Variants in SDK1 observed in about 807,000 individuals in gnomAD.
SDK1 encodes the protein sidekick cell adhesion molecule 1, also known as protein sidekick-1.
Under a neutral mutation model 245.5 loss-of-function variants are expected in SDK1, and 157 were observed. The ratio of observed to expected loss-of-function variants is 0.64; its 90% CI spans 0.56 to 0.73. The LOEUF (loss-of-function observed/expected upper bound fraction) is 0.73, where lower values mean the gene tolerates loss of function less well. Ranked by LOEUF, SDK1 falls within the 30% of genes least tolerant of loss-of-function variation. SDK1 has a pLI of 0.00. For missense variants in SDK1, 3,583 were observed against 3,002.3 expected (o/e 1.19, Z -4.52); for synonymous variants, 1,647 against 1,278.5 (o/e 1.29, Z -6.15).
At chr7:3,328,263 T>G (rs972792353) in intron 1 of SDK1, among the ~76,000 whole-genome samples, 2 of 152,120 alleles carry the variant, frequency 1.3e-5, no homozygotes, top group Admixed American at 6.5e-5. Flanking sequence ...TATTGTGGTG[T>G]TATTTTGAAT....
intron 4 of SDK1, among the ~76,000 whole-genome samples, chr7:3,740,444 A>G (rs1014272406): frequency 6.6e-6 from 1 of 152,160 alleles, no homozygotes; most frequent in African/African-American, 2.4e-5. Flanking sequence ...GATATTGAGC[A>G]TGTGTCACAG....
intron 5 of SDK1, among the ~76,000 whole-genome samples, chr7:3,834,063 CT>C (rs1779976143): frequency 6.6e-6 from 1 of 152,142 alleles, no homozygotes; most frequent in Non-Finnish European, 1.5e-5. Flanking sequence ...AGGGAAACAG[CT>C]GGCATACTGG....
chr7:3,450,909 G>A (rs1205220872), intron 1 of SDK1, among the ~76,000 whole-genome samples: 2 of 152,144 alleles, frequency 1.3e-5, no homozygotes, highest in African/African-American at 4.8e-5. Flanking sequence ...AAAATAGGAA[G>A]AGAGGAGTTT....
At chr7:4,178,180 G>A (rs868669490) in intron 34 of SDK1, among the ~76,000 whole-genome samples, 17 of 152,272 alleles carry the variant, frequency 1.1e-4, no homozygotes, top group Middle Eastern at 3.4e-3. Flanking sequence ...ATGGCTAGTG[G>A]CCCAGGGGTT....
chr7:3,936,587 A>AG, intron 5 of SDK1, among the ~76,000 whole-genome samples: 1 of 151,716 alleles, frequency 6.6e-6, no homozygotes, highest in African/African-American at 2.4e-5. Flanking sequence ...TCCATCTCAA[A>AG]AAAAAAAAAA....
intron 1 of SDK1, among the ~76,000 whole-genome samples, chr7:3,408,114 T>A (rs546713965): frequency 6.6e-6 from 1 of 152,294 alleles, no homozygotes; most frequent in Non-Finnish European, 1.5e-5. Flanking sequence ...CTCGGCTTAC[T>A]GCCACATCTG....
intron 16 of SDK1, 47 bp from the exon 17 acceptor site, chr7:4,017,124 T>C: frequency 6.5e-7 from 1 of 1,544,594 alleles, no homozygotes; most frequent in Non-Finnish European, 8.7e-7. Flanking sequence ...ACACCGTTCC[T>C]GGGTCCAGTT....
At chr7:3,346,726 C>T (rs1461598992) in intron 1 of SDK1, among the ~76,000 whole-genome samples, 5 of 114,568 alleles carry the variant, frequency 4.4e-5, no homozygotes, top group African/African-American at 1.0e-4. Flanking sequence ...TATATGTATA[C>T]ATATATATAT....
At chr7:3,524,547 C>T (rs188395402) in intron 1 of SDK1, among the ~76,000 whole-genome samples, 31 of 152,156 alleles carry the variant, frequency 2.0e-4, no homozygotes, top group East Asian at 5.8e-4. Flanking sequence ...TGTATGTGCG[C>T]GCTCATGTAC....
At chr7:3,866,637 C>T (rs1780828083) in intron 5 of SDK1, among the ~76,000 whole-genome samples, 2 of 152,124 alleles carry the variant, frequency 1.3e-5, no homozygotes, top group African/African-American at 4.8e-5. Flanking sequence ...CGTGGACTCC[C>T]CTGCCCCTGC....
chr7:3,585,263 C>G (rs1318090045), intron 1 of SDK1, among the ~76,000 whole-genome samples: 1 of 152,050 alleles, frequency 6.6e-6, no homozygotes, highest in African/African-American at 2.4e-5. Context: ...AGACATTGAG[C>G]TTTAAGAGTG....
At chr7:3,371,957 AAC>A (rs1781238750) in intron 1 of SDK1, among the ~76,000 whole-genome samples, 1 of 152,224 alleles carries the variant, frequency 6.6e-6, no homozygotes, top group South Asian at 2.1e-4. Context: ...GTTGTGAAGA[AAC>A]ACAGGTTAGG....
chr7:4,248,951 C>G (rs1418572801), intron 44 of SDK1, among the ~76,000 whole-genome samples: 3 of 147,944 alleles, frequency 2.0e-5, no homozygotes, highest in Non-Finnish European at 2.9e-5. Context: ...ACAACACATA[C>G]ATACCTAAAT....
rs143034594 is a variant in SDK1 at position 3,486,051 on chromosome 7, C to G, written c.299-133029C>G. Among the ~76,000 whole-genome samples, 479 of 151,998 alleles carry G rather than the reference C, an allele frequency of 3.2e-3. 1 individual carries two copies. The highest frequency in any genetic ancestry group is 5.1e-3 in the Non-Finnish European group (346 of 67,944). On this transcript the variant is annotated intron_variant, in intron 1 of 44. Coordinates refer to ENST00000404826, the MANE Select transcript of SDK1 (RefSeq NM_152744.4). ...ATCTATTTTTTGAAGATCTGAAAAA[C>G]TCTTCATTAAAATCATCTATGCTTA...
Position 3,509,679 on chromosome 7 carries a change from A to G in SDK1, c.299-109401A>G, listed in dbSNP as rs186812370. Among the ~76,000 whole-genome samples the G allele has an allele frequency of 2.8e-4, 42 of 152,156 alleles. 2 individuals are homozygous for G. The highest frequency in any genetic ancestry group is 2.3e-3 in the Admixed American group (35 of 15,282). On this transcript the variant is annotated intron_variant, in intron 1 of 44. Coordinates refer to ENST00000404826, the MANE Select transcript of SDK1 (RefSeq NM_152744.4). ...GTGCTTACCTGCATCTTCACTCAAC[A>G]CTTAACCTCTGTTTAATGTCACAGG... is the stretch of plus-strand genomic sequence containing the variant.
At chr7:3,492,307 AC>A (rs1781886083) in intron 1 of SDK1, among the ~76,000 whole-genome samples, 1 of 152,206 alleles carries the variant, frequency 6.6e-6, no homozygotes, top group South Asian at 2.1e-4. Context: ...ATCCTGGCTA[AC>A]ACGGTGAAAC....
chr7:4,184,949 G>A (rs1401501550), intron 35 of SDK1, among the ~76,000 whole-genome samples: 2 of 152,142 alleles, frequency 1.3e-5, no homozygotes, highest in East Asian at 3.9e-4. Flanking sequence ...ATACAGCCCT[G>A]GGCACAGAGA....
intron 1 of SDK1, among the ~76,000 whole-genome samples, chr7:3,463,603 A>G (rs866044789): frequency 7.2e-5 from 11 of 152,326 alleles, no homozygotes; most frequent in South Asian, 4.1e-4. Context: ...TGGAGTATTT[A>G]CAACTTCTGT....
intron 5 of SDK1, among the ~76,000 whole-genome samples, chr7:3,831,900 AACGTGCCAGG>A (rs1367487819): frequency 2.0e-5 from 3 of 152,058 alleles, no homozygotes; most frequent in Non-Finnish European, 4.4e-5. Context: ...AAACAAAAAA[AACGTGCCAGG>A]TGTGGTAGTG....
Sources: gnomAD v4.1 joint callset for allele counts (sites outside exome capture counted in the v4.1 genomes callset) on GRCh38, gnomAD v4.1.1 for gene constraint, MANE v1.5 for transcripts, NCBI Gene and HGNC (gene_info 2026-07-23, HGNC 2026-07-21) for gene names.